RIMS2: variants seen among roughly 807,000 people sequenced by gnomAD.
The protein encoded by RIMS2 is regulating synaptic membrane exocytosis 2, also known as regulating synaptic membrane exocytosis protein 2.
In RIMS2, 59 loss-of-function variants were observed where a neutral mutation model predicts 174.4. That is an observed-to-expected ratio of 0.34 (90% confidence interval 0.27 to 0.42). RIMS2 has a LOEUF of 0.42. Among genes scored for constraint, RIMS2 ranks in the 10% least tolerant of loss-of-function variants. RIMS2 has a pLI of 1.00. For synonymous variants in RIMS2, 606 were observed against 572.5 expected, an observed-to-expected ratio of 1.06 and a Z score of -0.84; for missense variants, 1,620 against 1,666.3, an observed-to-expected ratio of 0.97 and a Z score of 0.48.
chr8:104,098,890 G>T (rs2097810347), intron 19 of RIMS2, among the ~76,000 whole-genome samples: 1 of 152,188 alleles, frequency 6.6e-6, no homozygotes, highest in Non-Finnish European at 1.5e-5. Context: ...TTTTAAAGGG[G>T]AAGCAGAGGT....
At chr8:104,008,777 T>G (rs1329397117) in intron 17 of RIMS2, among the ~76,000 whole-genome samples, 1 of 152,018 alleles carries the variant, frequency 6.6e-6, no homozygotes, top group Non-Finnish European at 1.5e-5. Context: ...TGTTATTAAC[T>G]TGGCTGACTC....
intron 1 of RIMS2, among the ~76,000 whole-genome samples, chr8:103,623,521 G>T (rs2095691176): frequency 9.1e-6 from 1 of 109,930 alleles, no homozygotes; most frequent in South Asian, 2.9e-4. Context: ...GTCTCGCTCT[G>T]TCGCCCAGGC....
At chr8:104,186,418 C>CAATATAAATTT (rs1165890680) in intron 19 of RIMS2, among the ~76,000 whole-genome samples, 1 of 151,716 alleles carries the variant, frequency 6.6e-6, no homozygotes, top group Non-Finnish European at 1.5e-5. Flanking sequence ...TCTAAAGCTT[C>CAATATAAATTT]AATATAAATT....
At position 103,585,722 on chromosome 8, in the gene RIMS2, C is replaced by T. The variant is rs569013995; in HGVS notation, c.176+84660C>T. Among the ~76,000 whole-genome samples, 17 of 150,574 alleles carry T rather than the reference C, an allele frequency of 1.1e-4. No homozygotes were observed. The South Asian group carries it at 2.7e-3, about 24-fold the overall frequency. On this transcript the variant is annotated intron_variant, in intron 1 of 23. Coordinates refer to ENST00000504942, the Ensembl canonical transcript of RIMS2. ...TGAGGGGAACGTCACACACTAGGGC[C>T]TGTTGGGGGGTTGGGGGCAAGGGGA...
At chr8:104,192,074 C>T (rs2099000773) in intron 19 of RIMS2, among the ~76,000 whole-genome samples, 1 of 152,048 alleles carries the variant, frequency 6.6e-6, no homozygotes, top group Non-Finnish European at 1.5e-5. Context: ...TAAAGAGAAG[C>T]TAGGGTCTTT....
chr8:103,973,816 A>G (rs2093156014), intron 15 of RIMS2, among the ~76,000 whole-genome samples: 1 of 152,194 alleles, frequency 6.6e-6, no homozygotes, highest in Non-Finnish European at 1.5e-5. Flanking sequence ...GACACTGTTG[A>G]TGTTCCACCC....
chr8:103,550,889 A>G (rs1364916616), intron 1 of RIMS2, among the ~76,000 whole-genome samples: 1 of 151,092 alleles, frequency 6.6e-6, no homozygotes, highest in African/African-American at 2.4e-5. Flanking sequence ...CACATACAAG[A>G]CTAAACCAGG....
At chr8:103,575,435 A>G (rs1461503802) in intron 1 of RIMS2, among the ~76,000 whole-genome samples, 1 of 152,114 alleles carries the variant, frequency 6.6e-6, no homozygotes, top group Non-Finnish European at 1.5e-5. Flanking sequence ...TCCTAGGTAT[A>G]TACTCAGCAG....
intron 3 of RIMS2, among the ~76,000 whole-genome samples, chr8:103,811,064 T>C (rs557657632): frequency 5.7e-4 from 87 of 152,272 alleles, no homozygotes; most frequent in South Asian, 1.0e-3. Context: ...TTTGCAAGTT[T>C]AGGTGTGAGT....
At chr8:103,598,802 G>C (rs2094573324) in intron 1 of RIMS2, among the ~76,000 whole-genome samples, 1 of 152,134 alleles carries the variant, frequency 6.6e-6, no homozygotes, top group Admixed American at 6.6e-5. Flanking sequence ...AAAGTAAATA[G>C]GAGATAGAGC....
At chr8:103,652,271 A>G (rs1200444204) in intron 1 of RIMS2, 34 bp downstream of exon 2, 2 of 1,282,284 alleles carry the variant, frequency 1.6e-6, no homozygotes, top group Non-Finnish European at 1.0e-6. Context: ...AGTAGGCTTG[A>G]CTTCTGTACT....
chr8:103,578,703 G>A (rs747208389), intron 1 of RIMS2, among the ~76,000 whole-genome samples: 4 of 151,990 alleles, frequency 2.6e-5, no homozygotes, highest in Non-Finnish European at 5.9e-5. Context: ...GCTGTTTTAA[G>A]AATACCATGG....
chr8:104,047,818 C>T (rs1417325790), intron 19 of RIMS2, among the ~76,000 whole-genome samples: 1 of 151,970 alleles, frequency 6.6e-6, no homozygotes, highest in African/African-American at 2.4e-5. Context: ...GCTTATTGCA[C>T]CTGTACTCTT....
chr8:104,223,777 G>A, intron 19 of RIMS2: 1 of 1,596,488 alleles, frequency 6.3e-7, no homozygotes, highest in Non-Finnish European at 8.5e-7. Context: ...TGAACTCCCT[G>A]GAGGAGGAAG....
chr8:104,135,689 C>T (rs563792099), intron 19 of RIMS2, among the ~76,000 whole-genome samples: 1 of 148,638 alleles, frequency 6.7e-6, no homozygotes, highest in East Asian at 2.0e-4. Flanking sequence ...TAGGATTTAT[C>T]AAGGAGTTCA....
At chr8:103,668,992 A>G (rs986885440) in intron 1 of RIMS2, among the ~76,000 whole-genome samples, 5 of 152,134 alleles carry the variant, frequency 3.3e-5, no homozygotes, top group Admixed American at 3.3e-4. Flanking sequence ...ATTGTTTTCT[A>G]GATGGATTAT....
intron 9 of RIMS2, chr8:103,918,697 C>G: frequency 1.9e-6 from 1 of 521,562 alleles, no homozygotes; most frequent in Non-Finnish European, 3.5e-6. Flanking sequence ...TTAAACATGT[C>G]TTATTACAGA....
At chr8:104,215,239 CA>C (rs1447680569) in intron 19 of RIMS2, among the ~76,000 whole-genome samples, 1 of 151,938 alleles carries the variant, frequency 6.6e-6, no homozygotes, top group African/African-American at 2.4e-5. Context: ...CTTAGTTGAA[CA>C]AAGTGGTAAT....
At chr8:103,715,602 A>C (rs1040118013) in intron 2 of RIMS2, among the ~76,000 whole-genome samples, 3 of 152,198 alleles carry the variant, frequency 2.0e-5, no homozygotes, top group Admixed American at 6.5e-5. Context: ...TTTATGTTAA[A>C]GAAAAGAGAA....
Sources: allele counts gnomAD v4.1 joint callset (sites outside exome capture counted in the v4.1 genomes callset), GRCh38; gene constraint gnomAD v4.1.1; transcripts MANE v1.5; gene names NCBI Gene and HGNC (gene_info 2026-07-23, HGNC 2026-07-21).